The following TENM3 variants were observed in gnomAD, a reference collection of about 807,000 sequenced individuals.
The protein encoded by TENM3 is teneurin transmembrane protein 3.
In TENM3, 63 loss-of-function variants were observed where a neutral mutation model predicts 255.1. The observed-to-expected ratio is 0.25, with a 90% CI of 0.20 to 0.30. The LOEUF is 0.30. Among genes scored for constraint, TENM3 ranks in the 10% least tolerant of loss-of-function variants. The pLI, the probability that TENM3 is intolerant of heterozygous loss-of-function variation, is 1.00. For missense variants in TENM3, 2,929 were observed against 3,461.1 expected, an observed-to-expected ratio of 0.85 and a Z score of 3.86; for synonymous variants, 1,306 against 1,322.3, an observed-to-expected ratio of 0.99 and a Z score of 0.27.
the TENM3 span, among the ~76,000 whole-genome samples, chr4:181,577,986 A>T: frequency 6.6e-6 from 1 of 151,978 alleles, no homozygotes; most frequent in East Asian, 1.9e-4. Context: ...TTGCTCTTTC[A>T]TGTTGATGAG....
At chr4:182,388,272 C>T (rs1032341488) in intron 3 of TENM3, among the ~76,000 whole-genome samples, 1 of 152,146 alleles carries the variant, frequency 6.6e-6, no homozygotes, top group Non-Finnish European at 1.5e-5. Flanking sequence ...TCTCAGTCCT[C>T]TGCCTGGCCT....
chr4:181,763,564 A>G, the TENM3 span, among the ~76,000 whole-genome samples: 3 of 152,352 alleles, frequency 2.0e-5, no homozygotes, highest in Middle Eastern at 3.4e-3. Context: ...TCTATCATTC[A>G]TAAATAAATT....
chr4:182,005,678 A>G, the TENM3 span, among the ~76,000 whole-genome samples: 848 of 152,258 alleles, frequency 5.6e-3, 4 homozygotes, highest in Non-Finnish European at 7.1e-3. Flanking sequence ...CATTTTCATG[A>G]TATTGATTCT....
chr4:182,016,765 C>T, the TENM3 span, among the ~76,000 whole-genome samples: 1 of 151,682 alleles, frequency 6.6e-6, no homozygotes, highest in Non-Finnish European at 1.5e-5. Context: ...TATAAAGATG[C>T]TTTATTCTTT....
intron 16 of TENM3, among the ~76,000 whole-genome samples, chr4:182,733,355 G>A (rs912895611): frequency 6.6e-6 from 1 of 152,192 alleles, no homozygotes; most frequent in Non-Finnish European, 1.5e-5. Flanking sequence ...AGCCATTGAA[G>A]GTGTTTAAGC....
intron 1 of TENM3, among the ~76,000 whole-genome samples, chr4:182,212,595 T>C (rs1021082588): frequency 2.0e-5 from 3 of 152,202 alleles, no homozygotes; most frequent in Admixed American, 6.5e-5. Context: ...CCTTTGAAGC[T>C]GAAATAGATT....
chr4:182,564,556 G>GT (rs1490838832), intron 3 of TENM3, among the ~76,000 whole-genome samples: 5 of 143,040 alleles, frequency 3.5e-5, no homozygotes, highest in African/African-American at 7.6e-5. Context: ...GTTTTCGTTT[G>GT]TTTTTTTGTT....
chr4:181,456,932 G>C, the TENM3 span, among the ~76,000 whole-genome samples: 1 of 151,818 alleles, frequency 6.6e-6, no homozygotes, highest in Non-Finnish European at 1.5e-5. Flanking sequence ...ACCCTATATA[G>C]TTCACCTCTT....
the TENM3 span, among the ~76,000 whole-genome samples, chr4:182,034,054 C>T: frequency 6.6e-6 from 1 of 152,114 alleles, no homozygotes; most frequent in African/African-American, 2.4e-5. Context: ...GGGGAGGACT[C>T]ACAAGTGGTG....
intron 3 of TENM3, among the ~76,000 whole-genome samples, chr4:182,491,238 T>A (rs1461014765): frequency 6.6e-6 from 1 of 152,124 alleles, no homozygotes; most frequent in African/African-American, 2.4e-5. Flanking sequence ...TATGTAAACC[T>A]TAGGAGATGT....
At chr4:182,461,273 T>C (rs1197398916) in intron 3 of TENM3, among the ~76,000 whole-genome samples, 1 of 152,222 alleles carries the variant, frequency 6.6e-6, no homozygotes, top group Non-Finnish European at 1.5e-5. Flanking sequence ...TTGAGTCTGA[T>C]TGAAGTACAG....
At chr4:182,016,880 A>G in the TENM3 span, among the ~76,000 whole-genome samples, 311 of 152,312 alleles carry the variant, frequency 2.0e-3, 2 homozygotes, top group African/African-American at 7.1e-3. Context: ...AATCATTTTC[A>G]TGTCTCTATA....
rs1764852341 is a variant in TENM3, at chr4:182,346,853, C to T, written c.435C>T (p.Ser145=). ...WGRGVKSGRS[S]CLSSRSNSAL... ...GGGGGGTCAAATCAGGCCGCAGCTC[C>T]TGCCTGTCAAGTCGGTCCAACTCAG... is the stretch of plus-strand genomic sequence containing the variant. Residue 145 remains serine, a synonymous_variant, in exon 3 of 28, where the codon TCC becomes TCT. Transcript: ENST00000511685. 1 of 1,613,396 alleles carries T rather than the reference C, an allele frequency of 6.2e-7. No individual in the cohort carries two copies. Among genetic ancestry groups the T allele is most frequent in the East Asian group, 2.2e-5 (1 of 44,830 alleles).
At chr4:181,616,314 T>TACACAC in the TENM3 span, among the ~76,000 whole-genome samples, 3,246 of 103,652 alleles carry the variant, frequency 0.031, 104 homozygotes, top group African/African-American at 0.076. Flanking sequence ...ACCCATAGAA[T>TACACAC]ACACACACAC....
intron 1 of TENM3, among the ~76,000 whole-genome samples, chr4:182,161,888 CAT>C (rs375823683): frequency 0.17 from 8,620 of 51,660 alleles, 3,854 homozygotes; most frequent in Non-Finnish European, 0.24. Context: ...TATATACACA[CAT>C]ATATGTGTAT....
intron 3 of TENM3, among the ~76,000 whole-genome samples, chr4:182,455,215 A>G (rs1773770349): frequency 6.6e-6 from 1 of 152,194 alleles, no homozygotes; most frequent in African/African-American, 2.4e-5. Context: ...TTAAAGAACA[A>G]ATTGGATCAA....
At chr4:181,685,863 C>T in the TENM3 span, among the ~76,000 whole-genome samples, 1 of 152,182 alleles carries the variant, frequency 6.6e-6, no homozygotes, top group Non-Finnish European at 1.5e-5. Flanking sequence ...GAAATCCCTG[C>T]ACATTTTCTC....
chr4:182,133,673 T>C, the TENM3 span, among the ~76,000 whole-genome samples: 4 of 152,330 alleles, frequency 2.6e-5, no homozygotes, highest in East Asian at 7.7e-4. Context: ...AATTGAATTT[T>C]GAAGTGTCAC....
chr4:181,738,657 ATTTGC>A, the TENM3 span, among the ~76,000 whole-genome samples: 1 of 150,090 alleles, frequency 6.7e-6, no homozygotes, highest in Admixed American at 6.6e-5. Flanking sequence ...TAGTTTTCCT[ATTTGC>A]TTTTTTTCTG....
Sources: gnomAD v4.1 joint callset for allele counts (sites outside exome capture counted in the v4.1 genomes callset) on GRCh38, gnomAD v4.1.1 for gene constraint, MANE v1.5 for transcripts, NCBI Gene and HGNC (gene_info 2026-07-23, HGNC 2026-07-21) for gene names.